Variants in AKR1B15 observed in about 807,000 individuals in gnomAD.
The protein encoded by AKR1B15 is aldo-keto reductase family 1 member B15.
In AKR1B15, 49 loss-of-function variants were observed where a neutral mutation model predicts 38.5. The observed-to-expected ratio is 1.27, with a 90% confidence interval of 1.01 to 1.62. The LOEUF (loss-of-function observed/expected upper bound fraction) is 1.62, where lower values mean the gene tolerates loss of function less well. Among genes scored for constraint, AKR1B15 ranks in the 40% most tolerant of loss-of-function variants. The pLI is 0.00. For synonymous variants in AKR1B15, 137 were observed against 135.5 expected (o/e 1.01, Z -0.08); for missense variants, 411 against 381.6 (o/e 1.08, Z -0.64).
intron 6 of AKR1B15, among the ~76,000 whole-genome samples, chr7:134,573,792 G>A (rs1204220010): frequency 2.6e-5 from 4 of 152,150 alleles, no homozygotes; most frequent in South Asian, 4.2e-4. Flanking sequence ...GGTTCTCAAC[G>A]TTGGCTGGGC....
chr7:134,565,418 A>G, intron 3 of AKR1B15: 2 of 1,610,622 alleles, frequency 1.2e-6, no homozygotes, highest in East Asian at 2.2e-5. Context: ...GAAGGAACCA[A>G]CTCTGGACAC....
At chr7:134,578,428 G>A (rs1168988319) in intron 11 of AKR1B15, among the ~76,000 whole-genome samples, 1 of 152,152 alleles carries the variant, frequency 6.6e-6, no homozygotes, top group Admixed American at 6.5e-5. Flanking sequence ...AAGCAAGAAG[G>A]CCAGGGAGGC....
chr7:134,549,159 C>A lies in AKR1B15; in HGVS notation c.-237C>A, dbSNP rs1793879131. 6.6e-6 allele frequency: 1 copy of A among 152,510 alleles called. No individual in the cohort carries two copies. Among genetic ancestry groups the A allele is most frequent in the Admixed American group, 6.5e-5 (1 of 15,292 alleles). 9.4% of individuals were successfully genotyped at this position (152,510 alleles called of 1,614,324 possible). The stretch of plus-strand genomic sequence containing the variant: ...CACCTGAAGACGTTCCAGGGCTCCA[C>A]AGGCCACTGTCTTCTGGAGGGGAAC... On this transcript the variant is annotated 5_prime_UTR_variant, in exon 1 of 12. Transcript: ENST00000457545.
chr7:134,561,870 A>C (rs1794403819), intron 2 of AKR1B15, among the ~76,000 whole-genome samples: 1 of 152,296 alleles, frequency 6.6e-6, no homozygotes, highest in Non-Finnish European at 1.5e-5. Flanking sequence ...CTGAACCTGC[A>C]ATTGTAACTT....
intron 1 of AKR1B15, among the ~76,000 whole-genome samples, chr7:134,549,697 G>T (rs987867150): frequency 2.4e-4 from 36 of 152,154 alleles, no homozygotes; most frequent in African/African-American, 8.4e-4. Flanking sequence ...AAGGGGAGCA[G>T]CCAGGAGGGC....
intron 3 of AKR1B15, among the ~76,000 whole-genome samples, chr7:134,567,550 AT>A (rs61092887): frequency 0.42 from 63,595 of 151,426 alleles, 13,703 homozygotes; most frequent in Non-Finnish European, 0.45. Context: ...GGCTGGTGCT[AT>A]TTTTTTTTCC....
At chr7:134,569,326 G>A (rs1794614708) in intron 4 of AKR1B15, 87 bp from the exon 5 acceptor site, 5 of 1,499,250 alleles carry the variant, frequency 3.3e-6, no homozygotes, top group Non-Finnish European at 4.6e-6. Context: ...GGTTAGATGA[G>A]GATGCAAATC....
chr7:134,553,289 C>T (rs1794056990), intron 1 of AKR1B15, among the ~76,000 whole-genome samples: 1 of 152,212 alleles, frequency 6.6e-6, no homozygotes, highest in Non-Finnish European at 1.5e-5. Flanking sequence ...TTTGGACTGA[C>T]AAAGAAGAAC....
chr7:134,571,678 G>A lies in AKR1B15; in HGVS notation c.510G>A (p.Trp170Ter), dbSNP rs536326188. The stretch of plus-strand genomic sequence containing the variant: ...GAAAAGGAACGTTCTTGGATGCCTG[G>A]GAGGTAGGTTCCAGCTTTGTCTAAG... Reference protein sequence around the residue: ...ISGKGTFLDAWEAMEELVDEG... With the variant: ...ISGKGTFLDA The change falls in exon 6 of 12, where the codon TGG becomes TGA. Residue 170 changes from tryptophan (W) to a stop codon, truncating the protein, a stop_gained. Coordinates refer to ENST00000457545, the MANE Select transcript of AKR1B15 (RefSeq NM_001080538.3). LOFTEE classifies it high-confidence loss of function. The A allele has an allele frequency of 1.2e-6, 2 of 1,613,206 alleles. No homozygotes were observed. Among genetic ancestry groups the A allele is most frequent in the Non-Finnish European group, 1.7e-6 (2 of 1,179,460 alleles).
At chr7:134,555,779 G>T (rs928674921) in intron 1 of AKR1B15, among the ~76,000 whole-genome samples, 3 of 152,118 alleles carry the variant, frequency 2.0e-5, no homozygotes, top group Non-Finnish European at 4.4e-5. Context: ...AGCCAAACTG[G>T]ATGTGGAAGT....
chr7:134,568,097 G>A, intron 3 of AKR1B15, 61 bp from the exon 4 acceptor site: 1 of 1,590,868 alleles, frequency 6.3e-7, no homozygotes, highest in Non-Finnish European at 8.6e-7. Flanking sequence ...GGGCAACATG[G>A]CAAGGTCTCA....
intron 1 of AKR1B15, among the ~76,000 whole-genome samples, chr7:134,555,422 A>T (rs1207206820): frequency 6.6e-6 from 1 of 152,158 alleles, no homozygotes; most frequent in Non-Finnish European, 1.5e-5. Context: ...CAAAAAGGCC[A>T]ACAAAGCCCA....
At chr7:134,577,407 TGGA>T (rs1399959816) in intron 10 of AKR1B15, among the ~76,000 whole-genome samples, 1 of 152,142 alleles carries the variant, frequency 6.6e-6, no homozygotes, top group African/African-American at 2.4e-5. Flanking sequence ...GAACTGTCCT[TGGA>T]GAAGTGTCCT....
At chr7:134,559,596 T>C (rs1361899957) in intron 2 of AKR1B15, among the ~76,000 whole-genome samples, 1 of 152,170 alleles carries the variant, frequency 6.6e-6, no homozygotes, top group Non-Finnish European at 1.5e-5. Context: ...CAATGAAAAA[T>C]GACACTACTC....
At chr7:134,560,926 A>C (rs578222457) in intron 2 of AKR1B15, among the ~76,000 whole-genome samples, 1 of 152,324 alleles carries the variant, frequency 6.6e-6, no homozygotes, top group East Asian at 1.9e-4. Context: ...TAATTCAAAG[A>C]AATTAGATAA....
At chr7:134,572,193 T>C (rs1429031793) in intron 6 of AKR1B15, among the ~76,000 whole-genome samples, 4 of 152,148 alleles carry the variant, frequency 2.6e-5, no homozygotes, top group Non-Finnish European at 5.9e-5. Flanking sequence ...ACATCCCCAT[T>C]TATAAATAAT....
At chr7:134,563,334 G>A (rs866094191) in intron 2 of AKR1B15, among the ~76,000 whole-genome samples, 8 of 152,248 alleles carry the variant, frequency 5.3e-5, no homozygotes, top group Middle Eastern at 3.4e-3. Flanking sequence ...TTGGCAGGCC[G>A]AGGTGGGTGG....
intron 1 of AKR1B15, among the ~76,000 whole-genome samples, chr7:134,555,267 T>C (rs1186095914): frequency 6.6e-6 from 1 of 152,228 alleles, no homozygotes; most frequent in East Asian, 1.9e-4. Flanking sequence ...TGCCACTCTT[T>C]CCAGCTGGGT....
At chr7:134,577,281 G>A (rs1400711931) in intron 10 of AKR1B15, among the ~76,000 whole-genome samples, 1 of 152,184 alleles carries the variant, frequency 6.6e-6, no homozygotes, top group Non-Finnish European at 1.5e-5. Context: ...GAGCACAGTT[G>A]TGCCTCACAC....
Sources: gnomAD v4.1 joint callset for allele counts (sites outside exome capture counted in the v4.1 genomes callset) on GRCh38, gnomAD v4.1.1 for gene constraint, MANE v1.5 for transcripts, NCBI Gene and HGNC (gene_info 2026-07-23, HGNC 2026-07-21) for gene names.